Variants in PTPDC1 observed in about 807,000 individuals in gnomAD.
The protein encoded by PTPDC1 is protein tyrosine phosphatase domain-containing protein 1.
Under a neutral mutation model 75.3 loss-of-function variants are expected in PTPDC1, and 53 were observed. That is an observed-to-expected ratio of 0.70 (90% CI 0.56 to 0.88). PTPDC1 has a LOEUF of 0.88. PTPDC1 is among the 40% of genes least tolerant of loss of function. The probability of loss-of-function intolerance (pLI) is 0.00; values close to 1 mark genes in which losing one functional copy is unlikely to be tolerated. For synonymous variants in PTPDC1, 349 were observed against 366.2 expected (o/e 0.95, Z 0.54); for missense variants, 925 against 998.6 (o/e 0.93, Z 0.99).
chr9:94,046,568 G>T (rs1316411623), intron 1 of PTPDC1, among the ~76,000 whole-genome samples: 1 of 152,172 alleles, frequency 6.6e-6, no homozygotes. Context: ...CACGTCCCTT[G>T]TAAGTTGGAT....
chr9:94,063,236 C>G (rs1587860230), intron 1 of PTPDC1, among the ~76,000 whole-genome samples: 1 of 152,322 alleles, frequency 6.6e-6, no homozygotes, highest in East Asian at 1.9e-4. Flanking sequence ...CCAGCTGCTC[C>G]AAAATTCCAT....
chr9:94,101,681 C>T lies in PTPDC1; in HGVS notation c.2129C>T (p.Thr710Ile). The T allele has an allele frequency of 6.2e-7, 1 of 1,613,710 alleles. No individual in the cohort carries two copies. Among genetic ancestry groups the T allele is most frequent in the South Asian group, 1.1e-5 (1 of 91,052 alleles). Residue 710 changes from threonine (T) to isoleucine (I), a missense_variant, in exon 7 of 9, where the codon ACC becomes ATC. By Grantham distance (89) the Thr-to-Ile change is moderately conservative. Coordinates refer to ENST00000620992, the MANE Select transcript of PTPDC1 (RefSeq NM_001253829.2). ...GAGCAACTGAAGGAGCCTGTAATCACCAAAGAGGATGTGGACATGTTGGTT... is the reference window on the plus strand; with the variant it reads ...GAGCAACTGAAGGAGCCTGTAATCATCAAAGAGGATGTGGACATGTTGGTT... ...WVEQLKEPVI[T>I]KEDVDMLVDR...
At chr9:94,102,917 C>T (rs1827892769) in intron 7 of PTPDC1, among the ~76,000 whole-genome samples, 1 of 152,068 alleles carries the variant, frequency 6.6e-6, no homozygotes, top group South Asian at 2.1e-4. Flanking sequence ...AATAACCAGC[C>T]TTGAGTTACC....
upstream of PTPDC1, among the ~76,000 whole-genome samples, chr9:94,082,814 G>T (rs1826929431): frequency 6.6e-6 from 1 of 152,172 alleles, no homozygotes; most frequent in Non-Finnish European, 1.5e-5. Flanking sequence ...CAGGGCTCAA[G>T]ATTTCACCAC....
intron 4 of PTPDC1, among the ~76,000 whole-genome samples, chr9:94,088,754 C>T (rs1168334770): frequency 6.6e-6 from 1 of 152,290 alleles, no homozygotes; most frequent in Admixed American, 6.5e-5. Context: ...CCGCCTCAAT[C>T]ACAGGAGCTT....
chr9:94,044,877 T>G (rs1825540870), intron 1 of PTPDC1, among the ~76,000 whole-genome samples: 1 of 152,016 alleles, frequency 6.6e-6, no homozygotes, highest in Non-Finnish European at 1.5e-5. Flanking sequence ...AGTTTTAGGG[T>G]ACATGTGCAC....
chr9:94,047,173 C>G (rs961043025), intron 1 of PTPDC1, among the ~76,000 whole-genome samples: 9 of 152,152 alleles, frequency 5.9e-5, no homozygotes, highest in Admixed American at 2.0e-4. Context: ...GTTGAACCAG[C>G]CTTGCATCCC....
intron 1 of PTPDC1, among the ~76,000 whole-genome samples, chr9:94,046,249 C>T (rs979229442): frequency 2.6e-5 from 4 of 152,078 alleles, no homozygotes; most frequent in African/African-American, 7.2e-5. Flanking sequence ...TTACTGTAGC[C>T]TTATAGTACA....
chr9:94,077,644 A>G (rs971201590), intron 2 of PTPDC1, among the ~76,000 whole-genome samples: 1 of 152,178 alleles, frequency 6.6e-6, no homozygotes, highest in Non-Finnish European at 1.5e-5. Flanking sequence ...GCCACCCTCC[A>G]GCAACCTCCA....
intron 2 of PTPDC1, among the ~76,000 whole-genome samples, chr9:94,069,892 T>G (rs2117898140): frequency 6.7e-6 from 1 of 149,892 alleles, no homozygotes. Context: ...TGGCACAGTC[T>G]TGGCTCATTG....
intron 4 of PTPDC1, 132 bp downstream of exon 4, chr9:94,088,395 G>C: frequency 9.4e-7 from 1 of 1,064,546 alleles, no homozygotes; most frequent in Non-Finnish European, 1.3e-6. Flanking sequence ...TAGAAAAAAT[G>C]AGCTACCATT....
chr9:94,090,279 G>C lies in PTPDC1; in HGVS notation c.616+2016G>C, dbSNP rs1369249810. 3.8e-5 allele frequency among the ~76,000 whole-genome samples: 4 copies of C among 105,452 alleles called. 1 individual carries two copies. Among genetic ancestry groups the C allele is most frequent in the African/African-American group, 1.7e-4 (4 of 23,400 alleles). The allele number at this position is 105,452 out of a possible 152,430, so 69.2% of individuals were successfully genotyped here. ...GTATAAGGTGTAAGGAAGGGATCCA[G>C]TTTCAGCTTTCTACGTATGGCTAGC... On this transcript the variant is annotated intron_variant, in intron 4 of 8. Transcript: ENST00000620992.
At chr9:94,068,054 A>T (rs1275055426) in intron 2 of PTPDC1, among the ~76,000 whole-genome samples, 1 of 152,064 alleles carries the variant, frequency 6.6e-6, no homozygotes, top group Non-Finnish European at 1.5e-5. Flanking sequence ...TGGTAGATAG[A>T]TGTAGAGTCT....
intron 1 of PTPDC1, among the ~76,000 whole-genome samples, chr9:94,063,535 A>G (rs1022159072): frequency 2.0e-5 from 3 of 152,166 alleles, no homozygotes; most frequent in Non-Finnish European, 1.5e-5. Flanking sequence ...ATTCTTTTTA[A>G]TTTCACTTTA....
intron 1 of PTPDC1, among the ~76,000 whole-genome samples, chr9:94,062,780 T>C (rs1243766746): frequency 6.6e-6 from 1 of 152,190 alleles, no homozygotes; most frequent in East Asian, 1.9e-4. Context: ...GGAACACAAT[T>C]TGACATGAGA....
At chr9:94,084,359 A>C (rs377105458), upstream of PTPDC1, 74 of 1,045,400 alleles carry the variant, frequency 7.1e-5, no homozygotes, top group East Asian at 5.1e-4. Context: ...GCCTGTTCAG[A>C]TCTAAGTGGG....
intron 1 of PTPDC1, among the ~76,000 whole-genome samples, chr9:94,043,382 C>T (rs938464689): frequency 6.6e-6 from 1 of 152,122 alleles, no homozygotes. Flanking sequence ...CTGTTCAGAT[C>T]TTGTGCCTAT....
chr9:94,080,106 A>G (rs1826826167), upstream of PTPDC1, among the ~76,000 whole-genome samples: 1 of 152,194 alleles, frequency 6.6e-6, no homozygotes, highest in Non-Finnish European at 1.5e-5. Context: ...ATTGGAACAT[A>G]GGCAGGATGA....
chr9:94,098,178 G>A lies in PTPDC1; in HGVS notation c.1612G>A (p.Ala538Thr), dbSNP rs763209222. Residue 538 changes from alanine (A) to threonine (T), a missense_variant, in exon 6 of 9, where the codon GCA becomes ACA. Physicochemically the swap from Ala to Thr is moderately conservative, Grantham distance 58. Coordinates refer to ENST00000620992, the MANE Select transcript of PTPDC1 (RefSeq NM_001253829.2). ...IFHGRIIPKE[A>T]QQSGAFSADV... The stretch of plus-strand genomic sequence containing the variant: ...CCATGGAAGGATCATTCCAAAGGAA[G>A]CACAGCAGAGTGGAGCTTTCTCTGC... The A allele has an allele frequency of 3.1e-6, 5 of 1,614,134 alleles. No individual in the cohort carries two copies. Among genetic ancestry groups the A allele is most frequent in the Admixed American group, 1.7e-5 (1 of 60,010 alleles).
Sources: gnomAD v4.1 joint callset for allele counts (sites outside exome capture counted in the v4.1 genomes callset) on GRCh38, gnomAD v4.1.1 for gene constraint, MANE v1.5 for transcripts, NCBI Gene and HGNC (gene_info 2026-07-23, HGNC 2026-07-21) for gene names.